Variants in GID8 observed in about 807,000 individuals in gnomAD.
GID8 encodes the protein GID complex subunit 8 homolog, also known as glucose-induced degradation protein 8 homolog.
Under a neutral mutation model 27.4 loss-of-function variants are expected in GID8, and 6 were observed. The ratio of observed to expected loss-of-function variants is 0.22; its 90% CI spans 0.12 to 0.43. GID8 has a LOEUF of 0.43. GID8 is among the 20% of genes least tolerant of loss of function. The pLI is 1.00. For missense variants in GID8, 173 were observed against 287.6 expected (o/e 0.60, Z 2.88); for synonymous variants, 112 against 109.0 (o/e 1.03, Z -0.17).
rs1415114485 is a variant in GID8 at position 62,941,484 on chromosome 20, C to T, written c.-12-7C>T. The T allele has an allele frequency of 6.7e-7, 1 of 1,484,554 alleles. No individual in the cohort carries two copies. The highest frequency in any genetic ancestry group is 1.1e-5 in the South Asian group (1 of 88,414). The allele number at this position is 1,484,554 out of a possible 1,614,324, so 92.0% of individuals were successfully genotyped here. ...CCCCTCCCTCAGCTGTTATTTTTTT[C>T]CTGTAGAAATAAATCAGAATGAGTT... On this transcript the variant is annotated splice_region_variant and splice_polypyrimidine_tract_variant and intron_variant, in intron 1 of 4. Coordinates refer to ENST00000266069, the MANE Select transcript of GID8 (RefSeq NM_017896.3).
chr20:62,944,132 C>T (rs2065455743), intron 4 of GID8, among the ~76,000 whole-genome samples: 1 of 152,196 alleles, frequency 6.6e-6, no homozygotes, highest in Non-Finnish European at 1.5e-5. Flanking sequence ...CAGCCTCTCT[C>T]TGGCTTTTAA....
Position 62,947,545 on chromosome 20 carries a change from CTG to C in GID8, c.*2637_*2638del, listed in dbSNP as rs2065471550. On this transcript the variant is annotated 3_prime_UTR_variant, in exon 5 of 5. Coordinates refer to ENST00000266069, the MANE Select transcript of GID8 (RefSeq NM_017896.3). ...TAAAATGTGAGAGTATTCTGGTACT[CTG>C]TGTTCCAGATGCATGAAATTGGGTG... 1 of 152,622 alleles carries C rather than the reference CTG, an allele frequency of 6.6e-6. No homozygotes were observed. Among genetic ancestry groups the C allele is most frequent in the East Asian group, 1.9e-4 (1 of 5,200 alleles). 9.5% of individuals were successfully genotyped at this position (152,622 alleles called of 1,614,324 possible).
Position 62,943,155 on chromosome 20 carries a change from C to G in GID8, c.287C>G (p.Thr96Arg), listed in dbSNP as rs961676111. 2 of 1,613,498 alleles carry G rather than the reference C, an allele frequency of 1.2e-6. No individual in the cohort carries two copies. The highest frequency in any genetic ancestry group is 1.3e-5 in the African/African-American group (1 of 74,930). The change falls in exon 3 of 5, where the codon ACA becomes AGA. Residue 96 changes from threonine to arginine, a missense_variant. By Grantham distance (71) the Thr-to-Arg change is moderately conservative. Transcript: ENST00000266069. This position sits in a 1 kb window ranked among gnomAD's most constrained non-coding sequence, Gnocchi z 4.7. ...AGCCTCCACCCAGAGCTCTTGGACA[C>G]AAACCGGTATCTTTACTTCCATTTG... Reference protein sequence around the residue: ...INSLHPELLDTNRYLYFHLQQ... With the variant: ...INSLHPELLDRNRYLYFHLQQ...
chr20:62,948,431 C>T lies in GID8; in HGVS notation c.*3519C>T, dbSNP rs957542767. ...AGTGCGGAATAGGTTGCTTCTACCACCTGTTCTTAATGTAACAGTAAAAGT... is the reference window on the plus strand; with the variant it reads ...AGTGCGGAATAGGTTGCTTCTACCATCTGTTCTTAATGTAACAGTAAAAGT... On this transcript the variant is annotated 3_prime_UTR_variant, in exon 5 of 5. Transcript: ENST00000266069. 2 of 152,194 alleles carry T rather than the reference C, an allele frequency of 1.3e-5. No individual in the cohort carries two copies. Among genetic ancestry groups the T allele is most frequent in the African/African-American group, 4.8e-5 (2 of 41,444 alleles). 9.4% of individuals were successfully genotyped at this position (152,194 alleles called of 1,614,324 possible). A position where few individuals can be genotyped will look rare whatever the true frequency, so the allele number is the denominator to read the frequency against.
rs558439428 is a variant in GID8 at position 62,948,290 on chromosome 20, A to G, written c.*3378A>G. ...ATATTTTTTGCAAATTGTATTGTCA[A>G]CATGGGTCATTTAAAGTCCTGTATG... is the stretch of plus-strand genomic sequence containing the variant. On this transcript the variant is annotated 3_prime_UTR_variant, in exon 5 of 5. Transcript: ENST00000266069. 3 of 152,346 alleles carry G rather than the reference A, an allele frequency of 2.0e-5. No homozygotes were observed. The highest frequency in any genetic ancestry group is 1.9e-4 in the East Asian group (1 of 5,196). 9.4% of individuals were successfully genotyped at this position (152,346 alleles called of 1,614,324 possible). A position where few individuals can be genotyped will look rare whatever the true frequency, so the allele number is the denominator to read the frequency against.
chr20:62,943,475 T>C lies in GID8; in HGVS notation c.316-20T>C, dbSNP rs371500548. On this transcript the variant is annotated intron_variant, in intron 3 of 4. Coordinates refer to ENST00000266069, the MANE Select transcript of GID8 (RefSeq NM_017896.3). This position sits in a 1 kb window ranked among gnomAD's most constrained non-coding sequence, Gnocchi z 4.7. ...TGGCCTGGGTGTGTGGGGGTCAAGC[T>C]TGTCTGTCTCTGCCTCCAGCAACAG... 4.3e-6 allele frequency: 7 copies of C among 1,609,792 alleles called. No homozygotes were observed. The African/African-American group carries it at 9.4e-5, about 22-fold the overall frequency.
chr20:62,941,571 T>A lies in GID8; in HGVS notation c.69T>A (p.His23Gln). 6.2e-7 allele frequency: 1 copy of A among 1,613,216 alleles called. No individual in the cohort carries two copies. The highest frequency in any genetic ancestry group is 8.5e-7 in the Non-Finnish European group (1 of 1,179,104). ...GGATGGAAAAGCTCAATAACTTGCA[T>A]GTCCAGAGAGCAGACATGAACCGCC... ...DEWMEKLNNLHVQRADMNRLI... is the reference protein window; with the variant it reads ...DEWMEKLNNLQVQRADMNRLI... The change falls in exon 2 of 5, where the codon CAT becomes CAA. Residue 23 changes from histidine (H) to glutamine (Q), a missense_variant. Physicochemically the swap from His to Gln is conservative, Grantham distance 24. Coordinates refer to ENST00000266069, the MANE Select transcript of GID8 (RefSeq NM_017896.3).
chr20:62,944,812 T>G lies in GID8; in HGVS notation c.587T>G (p.Leu196Arg). The G allele has an allele frequency of 6.2e-7, 1 of 1,614,192 alleles. No individual in the cohort carries two copies. The highest frequency in any genetic ancestry group is 8.5e-7 in the Non-Finnish European group (1 of 1,180,028). Residue 196 changes from leucine (L) to arginine (R), a missense_variant, in exon 5 of 5, where the codon CTG becomes CGG. Transcript: ENST00000266069. Reference sequence around the variant, plus strand: ...TCAACACCCAAACTGGCAAAATTACTGAAACTACTACTTTGGGCTCAGAAC... The same window carrying G: ...TCAACACCCAAACTGGCAAAATTACGGAAACTACTACTTTGGGCTCAGAAC... ...RESTPKLAKL[L>R]KLLLWAQNEL...
At chr20:62,939,427 C>A (rs529372031) in intron 1 of GID8, among the ~76,000 whole-genome samples, 3 of 151,946 alleles carry the variant, frequency 2.0e-5, no homozygotes, top group Admixed American at 1.3e-4. Flanking sequence ...CACCGCCCCC[C>A]CCGCCCCTTA....
intron 1 of GID8, among the ~76,000 whole-genome samples, chr20:62,940,845 A>G (rs2065439996): frequency 6.6e-6 from 1 of 152,246 alleles, no homozygotes; most frequent in Non-Finnish European, 1.5e-5. Context: ...TTGGTGGCCA[A>G]AACCTCACCA....
At position 62,945,661 on chromosome 20, in the gene GID8, T is replaced by G; in HGVS notation, c.*749T>G. 1 of 1,179,364 alleles carries G rather than the reference T, an allele frequency of 8.5e-7. No individual in the cohort carries two copies. The highest frequency in any genetic ancestry group is 1.1e-6 in the Non-Finnish European group (1 of 935,548). The allele number at this position is 1,179,364 out of a possible 1,614,324, so 73.1% of individuals were successfully genotyped here. ...TGACCAAAATGGCCTCTAAAAGATG[T>G]TAATCATCTCAAATGACCTTTTGTC... On this transcript the variant is annotated 3_prime_UTR_variant, in exon 5 of 5. Transcript: ENST00000266069.
rs555843375 is a variant in GID8 at position 62,940,152 on chromosome 20, C to A, written c.-12-1339C>A. Among the ~76,000 whole-genome samples, 3 of 151,962 alleles carry A rather than the reference C, an allele frequency of 2.0e-5. No homozygotes were observed. The South Asian group carries it at 6.2e-4, about 32-fold the overall frequency. On this transcript the variant is annotated intron_variant, in intron 1 of 4. Transcript: ENST00000266069. Reference sequence around the variant, plus strand: ...TGATAAAACTCACGGCAGATTTGGCCTCTCCTGCAACTCTCTTTTTCTTTT... The same window carrying A: ...TGATAAAACTCACGGCAGATTTGGCATCTCCTGCAACTCTCTTTTTCTTTT...
In GID8 at chr20:62,943,451, G is replaced by C; in HGVS notation, c.316-44G>C. On this transcript the variant is annotated intron_variant, in intron 3 of 4. Transcript: ENST00000266069. The surrounding 1 kb of genome is among the most constrained non-coding windows in gnomAD (Gnocchi z 4.7). ...CTGGTACCACCTGCCCTAAGTCCCT[G>C]GCCTGGGTGTGTGGGGGTCAAGCTT... The C allele has an allele frequency of 1.9e-6, 3 of 1,571,504 alleles. No individual in the cohort carries two copies. The highest frequency in any genetic ancestry group is 1.7e-6 in the Non-Finnish European group (2 of 1,144,068).
chr20:62,943,377 CAG>C lies in GID8; in HGVS notation c.316-114_316-113del. ...TTTTAAAAATGCAAATTTGATAACT[CAG>C]AGATGCAAGAAAAGTCTTCCCTCTG... On this transcript the variant is annotated intron_variant, in intron 3 of 4. Coordinates refer to ENST00000266069, the MANE Select transcript of GID8 (RefSeq NM_017896.3). The surrounding 1 kb of genome is among the most constrained non-coding windows in gnomAD (Gnocchi z 4.7). 1 of 1,069,438 alleles carries C rather than the reference CAG, an allele frequency of 9.4e-7. No homozygotes were observed. Among genetic ancestry groups the C allele is most frequent in the East Asian group, 2.4e-5 (1 of 41,466 alleles). 66.2% of individuals were successfully genotyped at this position (1,069,438 alleles called of 1,614,324 possible).
chr20:62,948,192 C>A lies in GID8; in HGVS notation c.*3280C>A, dbSNP rs1290359027. The A allele has an allele frequency of 6.6e-6, 1 of 152,252 alleles. No individual in the cohort carries two copies. Among genetic ancestry groups the A allele is most frequent in the Non-Finnish European group, 1.5e-5 (1 of 68,044 alleles). 9.4% of individuals were successfully genotyped at this position (152,252 alleles called of 1,614,324 possible). On this transcript the variant is annotated 3_prime_UTR_variant, in exon 5 of 5. Transcript: ENST00000266069. ...AGTAACTGCTGCTCTGTTAACTGTTCTATTCTGATACTACGCGTGTTGTTT... is the reference window on the plus strand; with the variant it reads ...AGTAACTGCTGCTCTGTTAACTGTTATATTCTGATACTACGCGTGTTGTTT...
At chr20:62,939,421 G>GCCC (rs367965638) in intron 1 of GID8, among the ~76,000 whole-genome samples, 3 of 142,766 alleles carry the variant, frequency 2.1e-5, no homozygotes, top group African/African-American at 7.9e-5. Flanking sequence ...CCCCAGCACC[G>GCCC]CCCCCCCCGC....
chr20:62,947,111 A>G lies in GID8; in HGVS notation c.*2199A>G, dbSNP rs2065469813. On this transcript the variant is annotated 3_prime_UTR_variant, in exon 5 of 5. Coordinates refer to ENST00000266069, the MANE Select transcript of GID8 (RefSeq NM_017896.3). Reference sequence around the variant, plus strand: ...GGGTAGCTGATAAGCCAGTGCCAGCATCCAGCATGAGCAGATGTCGGGGAG... The same window carrying G: ...GGGTAGCTGATAAGCCAGTGCCAGCGTCCAGCATGAGCAGATGTCGGGGAG... 1 of 152,236 alleles carries G rather than the reference A, an allele frequency of 6.6e-6. No individual in the cohort carries two copies. Among genetic ancestry groups the G allele is most frequent in the South Asian group, 2.1e-4 (1 of 4,826 alleles). The allele number at this position is 152,236 out of a possible 1,614,324, so 9.4% of individuals were successfully genotyped here.
At chr20:62,942,157 TG>T (rs2065446491) in intron 2 of GID8, among the ~76,000 whole-genome samples, 1 of 152,224 alleles carries the variant, frequency 6.6e-6, no homozygotes, top group Non-Finnish European at 1.5e-5. Context: ...AATTAATCTC[TG>T]TGAAACTTTT....
At chr20:62,942,082 T>C (rs1312756877) in intron 2 of GID8, among the ~76,000 whole-genome samples, 1 of 152,010 alleles carries the variant, frequency 6.6e-6, no homozygotes, top group Non-Finnish European at 1.5e-5. Flanking sequence ...GGCAAGAAAA[T>C]AGATGTTTTT....
Sources: allele counts gnomAD v4.1 joint callset (sites outside exome capture counted in the v4.1 genomes callset), GRCh38; gene constraint gnomAD v4.1.1; non-coding constraint Gnocchi (gnomAD v3.1); transcripts MANE v1.5; gene names NCBI Gene and HGNC (gene_info 2026-07-23, HGNC 2026-07-21).